DOCK11: variants seen among roughly 807,000 people sequenced by gnomAD.
The protein encoded by DOCK11 is dedicator of cytokinesis protein 11.
Under a neutral mutation model 169.1 loss-of-function variants are expected in DOCK11, and 70 were observed. The observed-to-expected ratio is 0.41, with a 90% CI of 0.34 to 0.51. The LOEUF is 0.51. Ranked by LOEUF, DOCK11 falls within the 20% of genes least tolerant of loss-of-function variation. DOCK11 has a pLI of 0.10. For synonymous variants in DOCK11, 529 were observed against 541.3 expected, an observed-to-expected ratio of 0.98 and a Z score of 0.32; for missense variants, 1,166 against 1,538.8, an observed-to-expected ratio of 0.76 and a Z score of 4.05.
chrX:118,656,936 A>T (rs2016088112), intron 44 of DOCK11, among the ~76,000 whole-genome samples: 1 of 112,071 alleles, frequency 8.9e-6, no homozygotes, highest in Non-Finnish European at 1.9e-5. Flanking sequence ...CCATCTAAAT[A>T]ATAATAATAG....
chrX:118,663,653 A>G (rs1424200206), intron 45 of DOCK11, among the ~76,000 whole-genome samples: 2 of 104,425 alleles, frequency 1.9e-5, no homozygotes, highest in African/African-American at 7.0e-5. Flanking sequence ...ATTCAGTAGA[A>G]TATTAAATTG....
chrX:118,617,793 G>T (rs915188401), intron 30 of DOCK11, among the ~76,000 whole-genome samples: 4 of 110,979 alleles, frequency 3.6e-5, no homozygotes, highest in Non-Finnish European at 5.7e-5. Flanking sequence ...TGAGGCAGGA[G>T]AACTGCTTGA....
At chrX:118,525,935 A>G (rs754952465) in intron 1 of DOCK11, among the ~76,000 whole-genome samples, 2 of 112,194 alleles carry the variant, frequency 1.8e-5, no homozygotes, top group South Asian at 3.7e-4. Context: ...AAAAATGACA[A>G]TCACTTTCTA....
rs1159653561 is a variant in DOCK11 at position 118,588,123 on chromosome X, T to C, written c.1796-14T>C. On this transcript the variant is annotated splice_polypyrimidine_tract_variant and intron_variant, in intron 16 of 52. Coordinates refer to ENST00000276202, the MANE Select transcript of DOCK11 (RefSeq NM_144658.4). ...AAACTGAATGATCTTTGCCTGTTTT[T>C]TTCCCTGCTATAGATTGTATTACTT... is the stretch of plus-strand genomic sequence containing the variant. 8.8e-7 allele frequency: 1 copy of C among 1,136,383 alleles called. No individual in the cohort carries two copies. Among genetic ancestry groups the C allele is most frequent in the Admixed American group, 3.1e-5 (1 of 32,480 alleles). The allele number at this position is 1,136,383 out of a possible 1,213,427, so 93.7% of individuals were successfully genotyped here.
At chrX:118,543,466 G>T (rs1394350099) in intron 3 of DOCK11, 45 bp from the exon 4 acceptor site, 1 of 1,055,153 alleles carries the variant, frequency 9.5e-7, no homozygotes, top group Admixed American at 2.2e-5. Context: ...GGATATATAT[G>T]TACTTTTCCT....
intron 45 of DOCK11, among the ~76,000 whole-genome samples, chrX:118,664,805 G>A (rs2016301602): frequency 9.0e-6 from 1 of 111,197 alleles, no homozygotes; most frequent in South Asian, 3.8e-4. Context: ...TGAACCATGG[G>A]GGAAAAGTTC....
chrX:118,595,945 G>A (rs935599258), intron 20 of DOCK11, among the ~76,000 whole-genome samples: 32 of 110,998 alleles, frequency 2.9e-4, no homozygotes, highest in Non-Finnish European at 4.7e-4. Flanking sequence ...AGGGCTATGG[G>A]ATTTATTTTG....
chrX:118,589,545 T>C (rs1301745413), intron 18 of DOCK11, among the ~76,000 whole-genome samples: 1 of 111,845 alleles, frequency 8.9e-6, no homozygotes, highest in Non-Finnish European at 1.9e-5. Context: ...TCCTTGAGCC[T>C]ATTAGGCCTA....
At chrX:118,647,760 ATATAT>A (rs1244029059) in intron 40 of DOCK11, among the ~76,000 whole-genome samples, 6 of 43,963 alleles carry the variant, frequency 1.4e-4, no homozygotes, top group Non-Finnish European at 2.1e-4. Flanking sequence ...ATAATATATA[ATATAT>A]TATAATATAT....
Position 118,496,009 on chromosome X carries a change from A to G in DOCK11, c.38A>G (p.Lys13Arg). The change falls in exon 1 of 53, where the codon AAG (lysine) becomes AGG (arginine). Residue 13 changes from lysine (K) to arginine (R), a missense_variant. Physicochemically the swap from Lys to Arg is conservative, Grantham distance 26. Transcript: ENST00000276202. ...CGCAAATTCACCAAACGGCTCAGCA[A>G]GCCTGGCACGGCGGCTGAGCTCCGG... Reference protein sequence around the residue: ...EVRKFTKRLSKPGTAAELRQS... With the variant: ...EVRKFTKRLSRPGTAAELRQS... 1 of 1,096,984 alleles carries G rather than the reference A, an allele frequency of 9.1e-7. No individual in the cohort carries two copies. The highest frequency in any genetic ancestry group is 1.2e-6 in the Non-Finnish European group (1 of 843,703). The allele number at this position is 1,096,984 out of a possible 1,213,427, so 90.4% of individuals were successfully genotyped here.
At chrX:118,552,711 T>TTC (rs2012541325) in intron 6 of DOCK11, among the ~76,000 whole-genome samples, 1 of 112,268 alleles carries the variant, frequency 8.9e-6, no homozygotes, top group Admixed American at 9.4e-5. Context: ...CATCATGCAG[T>TTC]TCTTGCAGAA....
chrX:118,661,287 G>T (rs1486052536), intron 44 of DOCK11, among the ~76,000 whole-genome samples: 1 of 110,761 alleles, frequency 9.0e-6, no homozygotes, highest in Non-Finnish European at 1.9e-5. Flanking sequence ...AAAGAAGTGT[G>T]GTTCCTACTT....
At chrX:118,675,685 T>TC (rs1207139722) in intron 46 of DOCK11, among the ~76,000 whole-genome samples, 1 of 107,344 alleles carries the variant, frequency 9.3e-6, no homozygotes, top group East Asian at 2.9e-4. Context: ...TGCACATGTA[T>TC]CCCCCCTTTT....
chrX:118,625,530 G>T (rs1474048835), intron 32 of DOCK11, among the ~76,000 whole-genome samples: 2 of 111,793 alleles, frequency 1.8e-5, no homozygotes, highest in Admixed American at 9.5e-5. Context: ...GCTGCTTCTG[G>T]TCCAAAGATT....
Position 118,676,012 on chromosome X carries a change from T to A in DOCK11, c.5276T>A (p.Leu1759His), listed in dbSNP as rs1913860047. Residue 1759 changes from leucine to histidine, a missense_variant, in exon 47 of 53, where the codon CTT becomes CAT. Transcript: ENST00000276202. Reference sequence around the variant, plus strand: ...GAAGTTATGCATACAAAAAAGAGACTTTTAGGCACTTTCTTCAGAGTTGCC... The same window carrying A: ...GAAGTTATGCATACAAAAAAGAGACATTTAGGCACTTTCTTCAGAGTTGCC... ...ILEVMHTKKR[L>H]LGTFFRVAFY... The A allele has an allele frequency of 8.3e-7, 1 of 1,198,389 alleles. No individual in the cohort carries two copies. The highest frequency in any genetic ancestry group is 1.1e-6 in the Non-Finnish European group (1 of 890,094).
rs903054206 is a variant in DOCK11 at position 118,567,709 on chromosome X, C to T, written c.952-370C>T. Reference sequence around the variant, plus strand: ...CGGCCTCCCAAAGTGCTGGGATTACCAGCATGAACCACTGTGCCTGGCCTT... The same window carrying T: ...CGGCCTCCCAAAGTGCTGGGATTACTAGCATGAACCACTGTGCCTGGCCTT... On this transcript the variant is annotated intron_variant, in intron 9 of 52. Transcript: ENST00000276202. 4.5e-5 allele frequency among the ~76,000 whole-genome samples: 5 copies of T among 111,362 alleles called. No homozygotes were observed. The South Asian group carries it at 1.9e-3, about 42-fold the overall frequency.
At chrX:118,636,617 A>C (rs1384717600) in intron 36 of DOCK11, among the ~76,000 whole-genome samples, 1 of 111,926 alleles carries the variant, frequency 8.9e-6, no homozygotes, top group African/African-American at 3.3e-5. Context: ...TACTGCTGAA[A>C]CTCTAGCTAA....
intron 12 of DOCK11, among the ~76,000 whole-genome samples, chrX:118,574,802 G>A (rs771127225): frequency 5.8e-4 from 65 of 111,987 alleles, no homozygotes; most frequent in African/African-American, 1.9e-3. Context: ...GGAACTGCTT[G>A]TGTCATAGCT....
intron 3 of DOCK11, among the ~76,000 whole-genome samples, chrX:118,543,295 T>G (rs2012101739): frequency 8.9e-6 from 1 of 111,751 alleles, no homozygotes; most frequent in African/African-American, 3.3e-5. Context: ...GAATACTCTT[T>G]GCACTGAGAG....
Sources: gnomAD v4.1 joint callset for allele counts (sites outside exome capture counted in the v4.1 genomes callset) on GRCh38, gnomAD v4.1.1 for gene constraint, MANE v1.5 for transcripts, NCBI Gene and HGNC (gene_info 2026-07-23, HGNC 2026-07-21) for gene names.